Variants in RPN2 observed in about 807,000 individuals in gnomAD.
RPN2 encodes the protein dolichyl-diphosphooligosaccharide--protein glycosyltransferase subunit 2.
Under a neutral mutation model 71.4 loss-of-function variants are expected in RPN2, and 29 were observed. The observed-to-expected ratio is 0.41, with a 90% CI of 0.30 to 0.55. The LOEUF (loss-of-function observed/expected upper bound fraction) is 0.55. Among genes scored for constraint, RPN2 ranks in the 20% least tolerant of loss-of-function variants. The pLI, the probability that RPN2 is intolerant of heterozygous loss-of-function variation, is 0.35. For missense variants in RPN2, 726 were observed against 774.1 expected, an observed-to-expected ratio of 0.94 and a Z score of 0.74; for synonymous variants, 308 against 305.0, an observed-to-expected ratio of 1.01 and a Z score of -0.10.
At chr20:37,192,655 T>A (rs1211928897) in intron 2 of RPN2, among the ~76,000 whole-genome samples, 1 of 152,184 alleles carries the variant, frequency 6.6e-6, no homozygotes, top group African/African-American at 2.4e-5. Context: ...AAGAATATGT[T>A]GTCTAATAGC....
At chr20:37,230,673 C>T (rs2146689786) in intron 13 of RPN2, among the ~76,000 whole-genome samples, 1 of 152,238 alleles carries the variant, frequency 6.6e-6, no homozygotes, top group Admixed American at 6.5e-5. Flanking sequence ...AATGATCGTA[C>T]TTGGAAACTT....
chr20:37,220,885 G>A (rs1440194262), intron 9 of RPN2, among the ~76,000 whole-genome samples: 1 of 152,166 alleles, frequency 6.6e-6, no homozygotes, highest in Non-Finnish European at 1.5e-5. Context: ...TCCCTATTTA[G>A]GAACAGCCCT....
At chr20:37,215,278 C>T (rs951878212) in intron 9 of RPN2, among the ~76,000 whole-genome samples, 1 of 152,304 alleles carries the variant, frequency 6.6e-6, no homozygotes, top group East Asian at 1.9e-4. Context: ...TGCGGCATTA[C>T]TTCCCATAGG....
At chr20:37,211,557 C>T (rs2067667834) in intron 8 of RPN2, among the ~76,000 whole-genome samples, 1 of 151,252 alleles carries the variant, frequency 6.6e-6, no homozygotes, top group Non-Finnish European at 1.5e-5. Context: ...AAGAGAATCA[C>T]TTGAACCCAG....
In RPN2 at chr20:37,210,084, A is replaced by C. The variant is rs760084702; in HGVS notation, c.905A>C (p.Gln302Pro). The C allele has an allele frequency of 1.2e-6, 2 of 1,614,146 alleles. No homozygotes were observed. Among genetic ancestry groups the C allele is most frequent in the Non-Finnish European group, 8.5e-7 (1 of 1,180,000 alleles). Reference sequence around the variant, plus strand: ...AATGTTCTGTCTCAGCCTCTGACTCAGGCCACTGTTAAACTAGAACATGCT... The same window carrying C: ...AATGTTCTGTCTCAGCCTCTGACTCCGGCCACTGTTAAACTAGAACATGCT... ...VTNVLSQPLT[Q>P]ATVKLEHAKS... Residue 302 changes from glutamine (Q) to proline (P), a missense_variant, in exon 8 of 17, where the codon CAG becomes CCG. Gln to Pro is a moderately conservative substitution (Grantham distance 76). Coordinates refer to ENST00000237530, the MANE Select transcript of RPN2 (RefSeq NM_002951.5).
At chr20:37,179,593 C>G (rs1350431476) in intron 1 of RPN2, 2 of 1,195,284 alleles carry the variant, frequency 1.7e-6, no homozygotes, top group Non-Finnish European at 2.2e-6. Context: ...GGGTGCAGCG[C>G]GGAGCTACGG....
chr20:37,195,365 G>A (rs2067232979), intron 2 of RPN2, among the ~76,000 whole-genome samples: 2 of 152,232 alleles, frequency 1.3e-5, no homozygotes, highest in African/African-American at 4.8e-5. Context: ...TAGGAATGAT[G>A]CTTGTCTTAC....
chr20:37,200,941 G>A (rs898826303), intron 4 of RPN2, among the ~76,000 whole-genome samples: 7 of 152,108 alleles, frequency 4.6e-5, no homozygotes, highest in Admixed American at 3.9e-4. Context: ...CAGAACCCCA[G>A]GAAGAAGTAC....
chr20:37,228,465 C>T (rs935767432), intron 11 of RPN2, 85 bp from the exon 12 acceptor site: 46 of 1,330,202 alleles, frequency 3.5e-5, no homozygotes, highest in African/African-American at 5.8e-5. Context: ...CGCTAATAAC[C>T]GTCTGCTGCC....
chr20:37,203,815 A>G, intron 4 of RPN2, 70 bp from the exon 5 acceptor site: 1 of 1,069,696 alleles, frequency 9.3e-7, no homozygotes, highest in Admixed American at 1.7e-5. Context: ...GAAAGTGTCC[A>G]AGTACGGGAA....
At chr20:37,213,592 T>TA (rs376006004) in intron 8 of RPN2, among the ~76,000 whole-genome samples, 168 bp from the exon 9 acceptor site, 224 of 147,580 alleles carry the variant, frequency 1.5e-3, no homozygotes, top group African/African-American at 4.8e-3. Flanking sequence ...TGTCTCAAAA[T>TA]AAAAAAAAAA....
intron 4 of RPN2, among the ~76,000 whole-genome samples, chr20:37,199,738 G>A (rs1050792416): frequency 7.9e-5 from 12 of 152,292 alleles, no homozygotes; most frequent in Non-Finnish European, 1.2e-4. Flanking sequence ...AAAGGCTTAG[G>A]TGAAGGAGAA....
chr20:37,210,615 C>T (rs139453475), intron 8 of RPN2, among the ~76,000 whole-genome samples: 1 of 150,236 alleles, frequency 6.7e-6, no homozygotes, highest in East Asian at 2.0e-4. Context: ...ACCGCAACGT[C>T]TGCCTCCTGG....
intron 2 of RPN2, among the ~76,000 whole-genome samples, chr20:37,192,129 G>A (rs1334020869): frequency 1.3e-5 from 2 of 152,118 alleles, no homozygotes; most frequent in Admixed American, 1.3e-4. Flanking sequence ...TTAAAAAAAT[G>A]CCTCCCTTAT....
intron 13 of RPN2, among the ~76,000 whole-genome samples, chr20:37,231,113 G>A (rs1444748908): frequency 2.6e-5 from 4 of 152,148 alleles, no homozygotes; most frequent in Non-Finnish European, 5.9e-5. Flanking sequence ...ATAATCAAAT[G>A]CACTATTTCA....
At chr20:37,216,662 A>G (rs375600917) in intron 9 of RPN2, among the ~76,000 whole-genome samples, 7 of 151,916 alleles carry the variant, frequency 4.6e-5, no homozygotes, top group African/African-American at 1.7e-4. Flanking sequence ...GGGTTTTGCT[A>G]TATTAGCCAG....
chr20:37,182,960 G>C (rs1232996452), intron 1 of RPN2, among the ~76,000 whole-genome samples: 1 of 152,088 alleles, frequency 6.6e-6, no homozygotes, highest in Non-Finnish European at 1.5e-5. Flanking sequence ...CATTTATTCA[G>C]CAAATATTTA....
intron 4 of RPN2, among the ~76,000 whole-genome samples, chr20:37,201,908 C>T (rs1402305819): frequency 1.3e-5 from 2 of 152,178 alleles, no homozygotes; most frequent in Non-Finnish European, 2.9e-5. Flanking sequence ...GAGAAGATCT[C>T]ATTGTAGTCT....
intron 13 of RPN2, among the ~76,000 whole-genome samples, chr20:37,231,109 A>ATT (rs2068231207): frequency 6.6e-6 from 1 of 152,218 alleles, no homozygotes; most frequent in African/African-American, 2.4e-5. Context: ...AAGCATAATC[A>ATT]AATGCACTAT....
Sources: gnomAD v4.1 joint callset for allele counts (sites outside exome capture counted in the v4.1 genomes callset) on GRCh38, gnomAD v4.1.1 for gene constraint, MANE v1.5 for transcripts, NCBI Gene and HGNC (gene_info 2026-07-23, HGNC 2026-07-21) for gene names.